IFT70A: variants seen among roughly 807,000 people sequenced by gnomAD.
IFT70A encodes intraflagellar transport protein 70A.
chr2:177,615,248 A>G, the IFT70A span: 3 of 152,322 alleles, frequency 2.0e-5, no homozygotes, highest in East Asian at 5.8e-4. Flanking sequence ...ATATTTCAAG[A>G]ATAATTGAGG....
chr2:177,618,023 C>T, the IFT70A span: 1 of 1,614,246 alleles, frequency 6.2e-7, no homozygotes, highest in South Asian at 1.1e-5. Flanking sequence ...GTCATGCCCA[C>T]ACCTAGCTCA....
the IFT70A span, chr2:177,617,976 G>C: frequency 6.2e-7 from 1 of 1,614,044 alleles, no homozygotes; most frequent in African/African-American, 1.3e-5. Context: ...GGAGAACTAA[G>C]GTGTTGCCAA....
chr2:177,613,462 A>G, the IFT70A span: 1 of 152,220 alleles, frequency 6.6e-6, no homozygotes, highest in Non-Finnish European at 1.5e-5. Context: ...TTATATTCAC[A>G]AAAGTACATA....
At chr2:177,618,240 G>A in the IFT70A span, 13 of 1,614,190 alleles carry the variant, frequency 8.1e-6, no homozygotes, top group Middle Eastern at 3.3e-4. Context: ...CCTGGCCATC[G>A]GTCTCATTGT....
At chr2:177,616,782 A>G in the IFT70A span, 2 of 1,590,306 alleles carry the variant, frequency 1.3e-6, no homozygotes, top group Non-Finnish European at 1.7e-6. Flanking sequence ...TCTTCCCAAC[A>G]TGCATTCTTT....
the IFT70A span, chr2:177,617,578 G>A: frequency 1.9e-6 from 3 of 1,614,204 alleles, no homozygotes; most frequent in Non-Finnish European, 1.7e-6. Flanking sequence ...CTTAATGAAA[G>A]CCTCTTCAGG....
At chr2:177,618,600 C>T in the IFT70A span, 2 of 1,606,178 alleles carry the variant, frequency 1.2e-6, no homozygotes, top group South Asian at 2.2e-5. Flanking sequence ...GTTCTCGGCC[C>T]AGCAGCTGCA....
At chr2:177,618,228 G>T in the IFT70A span, 1 of 1,614,246 alleles carries the variant, frequency 6.2e-7, no homozygotes, top group Non-Finnish European at 8.5e-7. Flanking sequence ...AACCCAGGTT[G>T]ACCTGGCCAT....
chr2:177,613,656 C>CTA, the IFT70A span: 2 of 152,142 alleles, frequency 1.3e-5, no homozygotes, highest in Non-Finnish European at 2.9e-5. Context: ...GCTGGTGAAA[C>CTA]TTTTAGTCAT....
the IFT70A span, chr2:177,616,440 A>G: frequency 3.4e-6 from 1 of 297,560 alleles, no homozygotes; most frequent in East Asian, 5.9e-5. Flanking sequence ...TTGCTTATAC[A>G]AAGATGTTAC....
the IFT70A span, chr2:177,618,675 GA>G: frequency 6.3e-7 from 1 of 1,594,764 alleles, no homozygotes; most frequent in Non-Finnish European, 8.5e-7. Flanking sequence ...CCCCGTCGGG[GA>G]TCTGCGCGCC....
the IFT70A span, chr2:177,617,235 A>G: frequency 1.0e-5 from 16 of 1,593,010 alleles, no homozygotes; most frequent in African/African-American, 1.4e-5. Flanking sequence ...TGTTATCATA[A>G]TGCTTCTTGA....
the IFT70A span, chr2:177,616,446 G>A: frequency 3.2e-6 from 1 of 310,742 alleles, no homozygotes; most frequent in Non-Finnish European, 5.8e-6. Context: ...ATACAAAGAT[G>A]TTACTCTAGC....
the IFT70A span, chr2:177,616,462 T>C: frequency 8.7e-6 from 3 of 343,666 alleles, no homozygotes; most frequent in East Asian, 4.6e-5. Context: ...CTAGCAATTG[T>C]TGCTTGAGGG....
At chr2:177,616,689 C>A in the IFT70A span, 2 of 1,448,812 alleles carry the variant, frequency 1.4e-6, no homozygotes, top group South Asian at 1.8e-5. Flanking sequence ...TGAAAAAAGC[C>A]ACTATCAGTC....
chr2:177,617,588 G>A, the IFT70A span: 2 of 1,614,052 alleles, frequency 1.2e-6, no homozygotes, highest in African/African-American at 2.7e-5. Flanking sequence ...GCCTCTTCAG[G>A]AGCTGTCTGG....
chr2:177,617,482 T>C, the IFT70A span: 1 of 1,614,166 alleles, frequency 6.2e-7, no homozygotes, highest in Non-Finnish European at 8.5e-7. Context: ...TTTGATAGCT[T>C]CATCATCTCT....
chr2:177,617,445 G>A, the IFT70A span: 1 of 1,611,782 alleles, frequency 6.2e-7, no homozygotes, highest in South Asian at 1.1e-5. Context: ...ATTTCTCCAT[G>A]GTTTCATCAT....
At chr2:177,618,475 G>T in the IFT70A span, 1 of 1,588,702 alleles carries the variant, frequency 6.3e-7, no homozygotes, top group East Asian at 2.3e-5. Flanking sequence ...CTCCAGTTCC[G>T]GGTGCAGCTG....
Sources: gnomAD v4.1 joint callset for allele counts on GRCh38, gnomAD v4.1.1 for gene constraint, MANE v1.5 for transcripts, NCBI Gene and HGNC (gene_info 2026-07-23, HGNC 2026-07-21) for gene names.